The following FAT3 variants were observed in gnomAD, a reference collection of about 807,000 sequenced individuals.
The protein encoded by FAT3 is FAT atypical cadherin 3, also known as protocadherin Fat 3.
A neutral mutation model predicts 310.2 loss-of-function variants in FAT3; 95 were observed. The observed-to-expected ratio is 0.31, with a 90% confidence interval of 0.26 to 0.36. The LOEUF is 0.36. Ranked by LOEUF, FAT3 falls within the 10% of genes least tolerant of loss-of-function variation. FAT3 has a pLI of 1.00. For synonymous variants in FAT3, 2,314 were observed against 2,192.9 expected (o/e 1.06, Z -1.54); for missense variants, 5,408 against 5,715.6 (o/e 0.95, Z 1.74).
chr11:92,495,605 G>C (rs1261402129), intron 2 of FAT3, among the ~76,000 whole-genome samples: 1 of 152,050 alleles, frequency 6.6e-6, no homozygotes, highest in African/African-American at 2.4e-5. Context: ...TTTCAGAGGA[G>C]AGAAGTTTGC....
Position 92,797,867 on chromosome 11 carries a change from G to A in FAT3, c.4854G>A (p.Pro1618=), listed in dbSNP as rs762238087. 28 of 1,613,084 alleles carry A rather than the reference G, an allele frequency of 1.7e-5. 1 individual carries two copies. Among genetic ancestry groups the A allele is most frequent in the Middle Eastern group, 3.3e-4 (2 of 6,080 alleles). ...GNTGNMFKIE[P]VLGIITICKE... ...CTGGGAACATGTTTAAGATCGAACC[G>A]GTCCTAGGCATCATCACCATTTGCA... Residue 1618 remains proline, a synonymous_variant, in exon 10 of 28, where the codon CCG becomes CCA. Coordinates refer to ENST00000525166, the MANE Select transcript of FAT3 (RefSeq NM_001367949.2).
intron 2 of FAT3, among the ~76,000 whole-genome samples, chr11:92,490,969 A>G (rs1388439885): frequency 6.6e-6 from 1 of 151,988 alleles, no homozygotes; most frequent in East Asian, 1.9e-4. Context: ...ATAATTCATC[A>G]TTTCCTTGAC....
chr11:92,708,429 C>T (rs1334888943), intron 4 of FAT3, among the ~76,000 whole-genome samples: 1 of 152,182 alleles, frequency 6.6e-6, no homozygotes, highest in Non-Finnish European at 1.5e-5. Context: ...AGCTGTGTGA[C>T]CTACAGCCAA....
intron 2 of FAT3, among the ~76,000 whole-genome samples, chr11:92,472,617 A>G (rs1191330028): frequency 6.6e-6 from 1 of 152,212 alleles, no homozygotes; most frequent in East Asian, 1.9e-4. Context: ...TGTCTTGTGT[A>G]TATAGCATAC....
intron 3 of FAT3, among the ~76,000 whole-genome samples, chr11:92,586,316 A>T (rs137864491): frequency 2.0e-5 from 3 of 152,124 alleles, no homozygotes; most frequent in African/African-American, 7.2e-5. Flanking sequence ...CAATGAGTAT[A>T]CCTATAGCAC....
At chr11:92,387,063 A>AGTGTGTGTGTGT (rs67529435) in intron 2 of FAT3, among the ~76,000 whole-genome samples, 17 of 144,158 alleles carry the variant, frequency 1.2e-4, no homozygotes, top group African/African-American at 4.0e-4. Flanking sequence ...TATGGGAGCT[A>AGTGTGTGTGTGT]GTGTGTGTGT....
intron 1 of FAT3, among the ~76,000 whole-genome samples, chr11:92,350,211 A>T (rs577771394): frequency 6.6e-6 from 1 of 152,288 alleles, no homozygotes; most frequent in Admixed American, 6.5e-5. Context: ...GACTTAACTA[A>T]TAAAGTCGAG....
At chr11:92,582,624 A>G (rs1424954097) in intron 3 of FAT3, among the ~76,000 whole-genome samples, 1 of 152,004 alleles carries the variant, frequency 6.6e-6, no homozygotes, top group African/African-American at 2.4e-5. Flanking sequence ...TGGACTTCAG[A>G]TGAAATCTGC....
At chr11:92,849,435 T>C (rs547438136) in intron 19 of FAT3, among the ~76,000 whole-genome samples, 3 of 152,310 alleles carry the variant, frequency 2.0e-5, no homozygotes, top group Admixed American at 6.5e-5. Flanking sequence ...CCTTGTCACA[T>C]CATCTAGCTG....
intron 3 of FAT3, among the ~76,000 whole-genome samples, chr11:92,675,679 G>T (rs903075744): frequency 7.2e-5 from 11 of 152,240 alleles, no homozygotes; most frequent in Admixed American, 2.0e-4. Context: ...TAAGTAATGA[G>T]GTTCCCATCA....
At chr11:92,530,890 T>C (rs1256640027) in intron 3 of FAT3, among the ~76,000 whole-genome samples, 2 of 117,820 alleles carry the variant, frequency 1.7e-5, no homozygotes, top group Admixed American at 1.9e-4. Flanking sequence ...TTTACAAATA[T>C]AGGGATTTAA....
At chr11:92,430,295 C>A (rs1591279101) in intron 2 of FAT3, among the ~76,000 whole-genome samples, 1 of 152,184 alleles carries the variant, frequency 6.6e-6, no homozygotes, top group Non-Finnish European at 1.5e-5. Context: ...TATCAATGTT[C>A]TTAGCTTCCT....
At chr11:92,855,980 C>CTTTT (rs58995060) in intron 19 of FAT3, among the ~76,000 whole-genome samples, 5 of 129,224 alleles carry the variant, frequency 3.9e-5, no homozygotes, top group African/African-American at 8.7e-5. Context: ...GGACAATATG[C>CTTTT]TTTTTTTTTT....
chr11:92,412,627 G>A (rs1184298218), intron 2 of FAT3, among the ~76,000 whole-genome samples: 8 of 137,668 alleles, frequency 5.8e-5, no homozygotes, highest in Non-Finnish European at 1.2e-4. Flanking sequence ...ATAAGAATTA[G>A]CAAAATTCAA....
At chr11:92,320,299 C>T (rs1250593337) in intron 1 of FAT3, among the ~76,000 whole-genome samples, 1 of 152,050 alleles carries the variant, frequency 6.6e-6, no homozygotes, top group African/African-American at 2.4e-5. Flanking sequence ...TCCCATGTAC[C>T]ATTGACATGC....
chr11:92,766,404 G>C (rs1439058958), intron 6 of FAT3, among the ~76,000 whole-genome samples: 1 of 152,178 alleles, frequency 6.6e-6, no homozygotes, highest in African/African-American at 2.4e-5. Flanking sequence ...GCCTGGATAG[G>C]ATGGGCAGGA....
chr11:92,867,348 T>G, intron 22 of FAT3, 139 bp downstream of exon 22: 2 of 914,958 alleles, frequency 2.2e-6, no homozygotes, highest in Non-Finnish European at 3.2e-6. Flanking sequence ...CCAACCTTCT[T>G]AATCTGCTTT....
At chr11:92,438,523 C>T (rs888574517) in intron 2 of FAT3, among the ~76,000 whole-genome samples, 5 of 152,224 alleles carry the variant, frequency 3.3e-5, no homozygotes, top group South Asian at 2.1e-4. Flanking sequence ...CATTATTGTG[C>T]GACTATCACC....
At chr11:92,253,123 G>C (rs1865195284) in intron 1 of FAT3, among the ~76,000 whole-genome samples, 1 of 151,926 alleles carries the variant, frequency 6.6e-6, no homozygotes, top group South Asian at 2.1e-4. Context: ...AGGCTCACTT[G>C]CCTCTCTCCC....
Sources: gnomAD v4.1 joint callset for allele counts (sites outside exome capture counted in the v4.1 genomes callset) on GRCh38, gnomAD v4.1.1 for gene constraint, MANE v1.5 for transcripts, NCBI Gene and HGNC (gene_info 2026-07-23, HGNC 2026-07-21) for gene names.